Variants in AGBL1 observed in about 807,000 individuals in gnomAD.
AGBL1 encodes the protein cytosolic carboxypeptidase 4.
In AGBL1, 130 loss-of-function variants were observed where a neutral mutation model predicts 118.9. The ratio of observed to expected loss-of-function variants is 1.09; its 90% CI spans 0.95 to 1.26. The LOEUF is 1.26. Ranked by LOEUF, AGBL1 falls within the 50% of genes most tolerant of loss-of-function variation. The pLI is 0.00. For missense variants in AGBL1, 1,584 were observed against 1,298.1 expected (o/e 1.22, Z -3.38); for synonymous variants, 555 against 478.9 (o/e 1.16, Z -2.08).
At chr15:86,869,091 T>G (rs1289824042) in intron 22 of AGBL1, among the ~76,000 whole-genome samples, 1 of 152,206 alleles carries the variant, frequency 6.6e-6, no homozygotes, top group Non-Finnish European at 1.5e-5. Context: ...TGATAAATGC[T>G]TCTGAATTTG....
At chr15:86,979,589 C>T (rs945724902) in intron 23 of AGBL1, among the ~76,000 whole-genome samples, 2 of 151,796 alleles carry the variant, frequency 1.3e-5, no homozygotes, top group African/African-American at 2.4e-5. Flanking sequence ...CCCGGGTTCA[C>T]GCCATTCTCC....
chr15:86,371,872 G>A (rs2080975801), intron 17 of AGBL1, among the ~76,000 whole-genome samples: 1 of 152,164 alleles, frequency 6.6e-6, no homozygotes, highest in Admixed American at 6.5e-5. Flanking sequence ...GTAGAGAGTG[G>A]CTGCTTGTAG....
chr15:86,212,812 G>T (rs542151972), intron 5 of AGBL1, among the ~76,000 whole-genome samples: 33 of 152,240 alleles, frequency 2.2e-4, no homozygotes, highest in African/African-American at 7.7e-4. Flanking sequence ...ACCATGCCTG[G>T]CTAATTTTTG....
intron 18 of AGBL1, among the ~76,000 whole-genome samples, chr15:86,486,501 G>A (rs867988846): frequency 2.0e-5 from 3 of 152,052 alleles, no homozygotes; most frequent in Non-Finnish European, 2.9e-5. Context: ...CTGGCTGGAC[G>A]TTGGGATCTG....
chr15:86,823,912 T>C (rs2078973700), intron 22 of AGBL1, among the ~76,000 whole-genome samples: 1 of 152,030 alleles, frequency 6.6e-6, no homozygotes, highest in Non-Finnish European at 1.5e-5. Context: ...AAATTAGAAA[T>C]GGAGGAGAAT....
At chr15:86,125,825 C>T (rs1224253002) in intron 1 of AGBL1, among the ~76,000 whole-genome samples, 1 of 152,186 alleles carries the variant, frequency 6.6e-6, no homozygotes, top group Non-Finnish European at 1.5e-5. Context: ...GGAAAACAGG[C>T]ATGAAACAAA....
At chr15:86,976,265 G>A (rs983438918) in intron 23 of AGBL1, among the ~76,000 whole-genome samples, 2 of 150,494 alleles carry the variant, frequency 1.3e-5, no homozygotes, top group African/African-American at 4.9e-5. Context: ...ATATATATGT[G>A]AATATGTATC....
intron 7 of AGBL1, among the ~76,000 whole-genome samples, chr15:86,256,150 T>C (rs1006432001): frequency 5.3e-5 from 8 of 152,244 alleles, no homozygotes; most frequent in African/African-American, 1.4e-4. Flanking sequence ...CTCAACTCTC[T>C]GTCTCTCAAT....
At chr15:86,401,853 C>T (rs765137595) in intron 18 of AGBL1, among the ~76,000 whole-genome samples, 2 of 152,116 alleles carry the variant, frequency 1.3e-5, no homozygotes, top group African/African-American at 4.8e-5. Context: ...TAACTATAGC[C>T]TTGTAGTACA....
chr15:86,600,238 G>A (rs1800607483), intron 21 of AGBL1, among the ~76,000 whole-genome samples: 2 of 152,112 alleles, frequency 1.3e-5, no homozygotes, highest in African/African-American at 2.4e-5. Flanking sequence ...TGTCACTGCT[G>A]GAGCTATGAA....
chr15:86,416,695 G>A (rs929049470), intron 18 of AGBL1, among the ~76,000 whole-genome samples: 5 of 152,036 alleles, frequency 3.3e-5, no homozygotes, highest in Admixed American at 6.6e-5. Flanking sequence ...GTAATGTAAC[G>A]GATATCATCT....
intron 21 of AGBL1, among the ~76,000 whole-genome samples, chr15:86,573,150 T>C (rs1395130893): frequency 6.6e-6 from 1 of 152,250 alleles, no homozygotes. Flanking sequence ...AGTTTGTGAC[T>C]GGGTTTATGT....
intron 19 of AGBL1, among the ~76,000 whole-genome samples, chr15:86,530,167 T>G (rs1191542478): frequency 7.1e-6 from 1 of 141,516 alleles, no homozygotes; most frequent in African/African-American, 3.1e-5. Context: ...GACTGGCAAG[T>G]TGGATAAAGA....
chr15:87,011,466 G>GTCC (rs2081559297), intron 24 of AGBL1, among the ~76,000 whole-genome samples: 2 of 152,222 alleles, frequency 1.3e-5, no homozygotes, highest in Non-Finnish European at 2.9e-5. Flanking sequence ...CTTAGGAAGT[G>GTCC]AATGTCCAGA....
At chr15:86,813,292 A>C (rs942339220) in intron 22 of AGBL1, among the ~76,000 whole-genome samples, 2 of 152,066 alleles carry the variant, frequency 1.3e-5, no homozygotes, top group African/African-American at 4.8e-5. Context: ...CCGCTGTGCT[A>C]TTCCCAGTAC....
intron 18 of AGBL1, among the ~76,000 whole-genome samples, chr15:86,508,041 T>C (rs2083000713): frequency 6.7e-6 from 1 of 150,106 alleles, no homozygotes; most frequent in Non-Finnish European, 1.5e-5. Flanking sequence ...AATCTCACTC[T>C]GTTGCTAGGC....
intron 22 of AGBL1, among the ~76,000 whole-genome samples, chr15:86,898,920 G>T (rs2080171095): frequency 6.6e-6 from 1 of 152,128 alleles, no homozygotes; most frequent in Admixed American, 6.6e-5. Context: ...GGAGAAAAGT[G>T]AACACATATA....
chr15:86,213,251 A>G (rs185427292), intron 5 of AGBL1, among the ~76,000 whole-genome samples: 1 of 152,318 alleles, frequency 6.6e-6, no homozygotes, highest in Non-Finnish European at 1.5e-5. Flanking sequence ...CAAATCATGG[A>G]ACTACTGGGA....
At chr15:86,617,406 T>C (rs1407365415) in intron 21 of AGBL1, among the ~76,000 whole-genome samples, 1 of 152,204 alleles carries the variant, frequency 6.6e-6, no homozygotes, top group Non-Finnish European at 1.5e-5. Flanking sequence ...ATGATGCCTC[T>C]GACTAAAGTC....
Sources: gnomAD v4.1 joint callset for allele counts (sites outside exome capture counted in the v4.1 genomes callset) on GRCh38, gnomAD v4.1.1 for gene constraint, MANE v1.5 for transcripts, NCBI Gene and HGNC (gene_info 2026-07-23, HGNC 2026-07-21) for gene names.